The following N4BP2 variants were observed in gnomAD, a reference collection of about 807,000 sequenced individuals.
N4BP2 encodes NEDD4 binding protein 2.
N4BP2 carries 91 observed loss-of-function variants against 152.8 expected under a neutral mutation model. That is an observed-to-expected ratio of 0.60 (90% confidence interval 0.50 to 0.71). The LOEUF is 0.71. N4BP2 is among the 30% of genes least tolerant of loss of function. N4BP2 has a pLI of 0.00. For missense variants in N4BP2, 1,923 were observed against 2,059.1 expected, an observed-to-expected ratio of 0.93 and a Z score of 1.28; for synonymous variants, 646 against 705.3, an observed-to-expected ratio of 0.92 and a Z score of 1.33.
chr4:40,094,823 A>G (rs1714958749), intron 2 of N4BP2, among the ~76,000 whole-genome samples: 2 of 151,296 alleles, frequency 1.3e-5, no homozygotes, highest in African/African-American at 2.4e-5. Flanking sequence ...AAACGCTGGG[A>G]TTACAGGTGT....
the N4BP2 span, among the ~76,000 whole-genome samples, chr4:40,178,508 A>G: frequency 6.6e-6 from 1 of 152,168 alleles, no homozygotes; most frequent in East Asian, 1.9e-4. Context: ...AAGAATTGTA[A>G]CTAGTGGTAC....
chr4:40,172,161 A>C, the N4BP2 span, among the ~76,000 whole-genome samples: 2 of 152,028 alleles, frequency 1.3e-5, no homozygotes, highest in Non-Finnish European at 1.5e-5. Flanking sequence ...TGATCTGCCC[A>C]CCTCGGCCTC....
chr4:40,158,506 A>G (rs983639380), downstream of N4BP2, among the ~76,000 whole-genome samples: 1 of 152,140 alleles, frequency 6.6e-6, no homozygotes, highest in African/African-American at 2.4e-5. Flanking sequence ...TAAGAATTAT[A>G]TCTCTTAGAG....
At chr4:40,112,547 T>C (rs1313758240) in intron 6 of N4BP2, among the ~76,000 whole-genome samples, 1 of 152,152 alleles carries the variant, frequency 6.6e-6, no homozygotes, top group African/African-American at 2.4e-5. Flanking sequence ...TTTCCCTAAA[T>C]TTCTTTTGAA....
the N4BP2 span, among the ~76,000 whole-genome samples, chr4:40,164,741 G>A: frequency 6.6e-5 from 10 of 152,168 alleles, no homozygotes; most frequent in Non-Finnish European, 1.5e-4. Context: ...TCTTTGCAGC[G>A]GGACCTCACT....
rs1488838704 is a variant in N4BP2 at position 40,126,432 on chromosome 4, A to G, written c.4527+102A>G. On this transcript the variant is annotated intron_variant, in intron 12 of 17. Transcript: ENST00000261435. ...AAGTATTTTCTAGTCTAGAATCCAT[A>G]TTTAACCTGATTGAATTTAATGTTA... 2.7e-5 allele frequency: 15 copies of G among 548,440 alleles called. No individual in the cohort carries two copies. The East Asian group carries it at 5.0e-4, about 18-fold the overall frequency. 34.0% of individuals were successfully genotyped at this position (548,440 alleles called of 1,614,324 possible). A position where few individuals can be genotyped will look rare whatever the true frequency, so the allele number is the denominator to read the frequency against.
chr4:40,112,098 G>T lies in N4BP2; in HGVS notation c.1513G>T (p.Glu505Ter). 6.6e-7 allele frequency: 1 copy of T among 1,522,196 alleles called. No individual in the cohort carries two copies. Among genetic ancestry groups the T allele is most frequent in the South Asian group, 1.2e-5 (1 of 83,052 alleles). The allele number at this position is 1,522,196 out of a possible 1,614,324, so 94.3% of individuals were successfully genotyped here. ...WNQNRAKEAF[E>*]KKISPIIIDN... is the part of the protein sequence containing the mutation. ...ATGTTTTTCAGCAAAAGAAGCATTT[G>T]AGAAGAAGATATCTCCTATAATTAT... Residue 505 changes from glutamate to a stop codon, truncating the protein, a stop_gained, in exon 6 of 18, where the codon GAG (glutamate) becomes TAG (stop). Transcript: ENST00000261435. LOFTEE classifies it high-confidence loss of function.
chr4:40,186,807 G>A, the N4BP2 span, among the ~76,000 whole-genome samples: 2 of 152,130 alleles, frequency 1.3e-5, no homozygotes, highest in Non-Finnish European at 2.9e-5. Context: ...TGGTTGACTC[G>A]TGCCCATACT....
In N4BP2 at chr4:40,113,424, G is replaced by T. The variant is rs754976468; in HGVS notation, c.1588-8G>T. On this transcript the variant is annotated splice_region_variant and splice_polypyrimidine_tract_variant and intron_variant, in intron 6 of 17. Transcript: ENST00000261435. ...ATTTTAAAATGTTTTTGTCTTTGTTGTATGTAGTCTCAGAAACACAAATAT... is the reference window on the plus strand; with the variant it reads ...ATTTTAAAATGTTTTTGTCTTTGTTTTATGTAGTCTCAGAAACACAAATAT... 27 of 1,589,292 alleles carry T rather than the reference G, an allele frequency of 1.7e-5. No individual in the cohort carries two copies. The Middle Eastern group carries it at 6.7e-4, about 39-fold the overall frequency.
chr4:40,112,042 T>C, intron 5 of N4BP2, 42 bp from the exon 6 acceptor site: 2 of 1,047,634 alleles, frequency 1.9e-6, no homozygotes, highest in Non-Finnish European at 2.9e-6. Flanking sequence ...TAATACTTAG[T>C]ATTGTTTAAA....
intron 2 of N4BP2, among the ~76,000 whole-genome samples, chr4:40,091,602 CTTTTTTTTTTTT>C (rs35142277): frequency 1.2e-5 from 1 of 80,470 alleles, no homozygotes; most frequent in African/African-American, 4.7e-5. Context: ...GTATACAATC[CTTTTTTTTTTTT>C]TTTTTTTTTT....
chr4:40,128,127 G>A (rs776130147), intron 12 of N4BP2, among the ~76,000 whole-genome samples: 7 of 152,066 alleles, frequency 4.6e-5, no homozygotes, highest in Non-Finnish European at 8.8e-5. Flanking sequence ...TTTGGATTTC[G>A]TCTTACTCTT....
In N4BP2 at chr4:40,120,235, A is replaced by G; in HGVS notation, c.2124A>G (p.Val708=). Residue 708 remains valine (V), a synonymous_variant, in exon 9 of 18, where the codon GTA becomes GTG. Transcript: ENST00000261435. Reference sequence around the variant, plus strand: ...ACGAGCAAATAGAAATGGTGGCTGTAAAAGGGTATAGTAAAACTGACACAG... The same window carrying G: ...ACGAGCAAATAGAAATGGTGGCTGTGAAAGGGTATAGTAAAACTGACACAG... ...SENEQIEMVA[V]KGYSKTDTDS... The G allele has an allele frequency of 6.2e-7, 1 of 1,613,858 alleles. No homozygotes were observed. The highest frequency in any genetic ancestry group is 8.5e-7 in the Non-Finnish European group (1 of 1,179,972).
At chr4:40,101,887 CTTT>C (rs544539423) in intron 3 of N4BP2, among the ~76,000 whole-genome samples, 185 bp from the exon 4 acceptor site, 258 of 152,244 alleles carry the variant, frequency 1.7e-3, no homozygotes, top group African/African-American at 5.8e-3. Flanking sequence ...ATCATTCAGA[CTTT>C]TTGCTACTAC....
chr4:40,158,722 G>A (rs995753650), downstream of N4BP2, among the ~76,000 whole-genome samples: 6 of 151,684 alleles, frequency 4.0e-5, no homozygotes, highest in Admixed American at 1.3e-4. Context: ...GCGATGAGGC[G>A]AGATTGTGCC....
At chr4:40,162,065 G>A (rs1721874279), downstream of N4BP2, among the ~76,000 whole-genome samples, 1 of 152,074 alleles carries the variant, frequency 6.6e-6, no homozygotes, top group African/African-American at 2.4e-5. Flanking sequence ...GTGGATAGAT[G>A]GCCTCCACCT....
At chr4:40,119,858 T>C in intron 8 of N4BP2, 74 bp from the exon 9 acceptor site, 1 of 684,482 alleles carries the variant, frequency 1.5e-6, no homozygotes, top group Non-Finnish European at 2.5e-6. Context: ...TGTCAATTAA[T>C]GCTTCTTTAA....
chr4:40,070,013 A>G (rs901127048), intron 1 of N4BP2, among the ~76,000 whole-genome samples: 4 of 152,210 alleles, frequency 2.6e-5, no homozygotes, highest in African/African-American at 9.6e-5. Context: ...CTTTTCAAAC[A>G]TCTTAGAAGC....
chr4:40,165,958 T>A, the N4BP2 span, among the ~76,000 whole-genome samples: 1 of 152,174 alleles, frequency 6.6e-6, no homozygotes, highest in Non-Finnish European at 1.5e-5. Flanking sequence ...CTGCTGGGCC[T>A]TATCTATCTC....
Sources: gnomAD v4.1 joint callset for allele counts (sites outside exome capture counted in the v4.1 genomes callset) on GRCh38, gnomAD v4.1.1 for gene constraint, MANE v1.5 for transcripts, NCBI Gene and HGNC (gene_info 2026-07-23, HGNC 2026-07-21) for gene names.